The following PTPRM variants were observed in gnomAD, a reference collection of about 807,000 sequenced individuals.
PTPRM encodes the protein protein tyrosine phosphatase receptor type M.
A neutral mutation model predicts 186.7 loss-of-function variants in PTPRM; 47 were observed. That is an observed-to-expected ratio of 0.25 (90% CI 0.20 to 0.32). The LOEUF (loss-of-function observed/expected upper bound fraction) is 0.32. PTPRM is among the 10% of genes least tolerant of loss of function. The pLI is 1.00. For missense variants in PTPRM, 1,494 were observed against 1,865.0 expected (o/e 0.80, Z 3.66); for synonymous variants, 668 against 674.9 (o/e 0.99, Z 0.16).
At chr18:8,152,107 C>G (rs2093023435) in intron 14 of PTPRM, among the ~76,000 whole-genome samples, 2 of 152,154 alleles carry the variant, frequency 1.3e-5, no homozygotes, top group African/African-American at 4.8e-5. Context: ...ATTCAGCCAT[C>G]TTGCCAGCAA....
intron 1 of PTPRM, among the ~76,000 whole-genome samples, chr18:7,771,586 G>A (rs1035775242): frequency 6.6e-6 from 1 of 152,198 alleles, no homozygotes; most frequent in African/African-American, 2.4e-5. Context: ...GTTCTCAATG[G>A]AGTGTTTAGT....
intron 21 of PTPRM, among the ~76,000 whole-genome samples, chr18:8,316,154 G>T (rs2095307498): frequency 6.6e-6 from 1 of 152,138 alleles, no homozygotes; most frequent in Admixed American, 6.6e-5. Context: ...CAGGCCAACT[G>T]TAGCACACCT....
chr18:8,071,110 C>G (rs918101168), intron 8 of PTPRM, among the ~76,000 whole-genome samples: 1 of 152,122 alleles, frequency 6.6e-6, no homozygotes, highest in African/African-American at 2.4e-5. Flanking sequence ...TGTGTTGGTT[C>G]CTCTCAAGCA....
In PTPRM at chr18:7,957,560, G is replaced by A. The variant is rs558244889; in HGVS notation, c.1132+2146G>A. On this transcript the variant is annotated intron_variant, in intron 7 of 32. Transcript: ENST00000580170. ...TGGTTGTGCCCTGTGCTGGCATGGA[G>A]TCACCCTTAGAAAATGGAGAGAGAT... is the stretch of plus-strand genomic sequence containing the variant. Among the ~76,000 whole-genome samples the A allele has an allele frequency of 2.0e-5, 3 of 152,262 alleles. No individual in the cohort carries two copies. In the East Asian group the frequency reaches 5.8e-4, roughly 29 times the overall value.
At chr18:8,335,860 A>G (rs1161181301) in intron 22 of PTPRM, among the ~76,000 whole-genome samples, 3 of 152,194 alleles carry the variant, frequency 2.0e-5, no homozygotes, top group East Asian at 1.9e-4. Context: ...CATCTCTACT[A>G]TAAACACAAA....
At chr18:7,906,183 C>T (rs2049971624) in intron 3 of PTPRM, among the ~76,000 whole-genome samples, 1 of 152,158 alleles carries the variant, frequency 6.6e-6, no homozygotes, top group African/African-American at 2.4e-5. Context: ...TCTGTGCCAA[C>T]TCACTATCCT....
intron 2 of PTPRM, among the ~76,000 whole-genome samples, chr18:7,838,512 C>CA (rs1439959112): frequency 1.3e-5 from 2 of 152,168 alleles, no homozygotes; most frequent in Admixed American, 6.5e-5. Context: ...ATTTATCTCC[C>CA]AAAAAACAGA....
At chr18:7,712,041 C>T (rs892121751) in intron 1 of PTPRM, among the ~76,000 whole-genome samples, 15 of 152,148 alleles carry the variant, frequency 9.9e-5, no homozygotes, top group Non-Finnish European at 1.3e-4. Context: ...CAGACTGCCT[C>T]CTGACCCCTG....
chr18:7,929,383 T>G (rs897381704), intron 5 of PTPRM, among the ~76,000 whole-genome samples: 3 of 152,158 alleles, frequency 2.0e-5, no homozygotes, highest in African/African-American at 4.8e-5. Flanking sequence ...TCTTGCTGAG[T>G]CTTTTCTGAC....
chr18:8,212,305 C>T (rs752377871), intron 14 of PTPRM, among the ~76,000 whole-genome samples: 10 of 152,218 alleles, frequency 6.6e-5, no homozygotes, highest in Non-Finnish European at 1.3e-4. Context: ...ACCCCAGAGG[C>T]GGCAATACAG....
At chr18:8,296,044 CATT>C (rs1268251793) in intron 19 of PTPRM, among the ~76,000 whole-genome samples, 2 of 152,100 alleles carry the variant, frequency 1.3e-5, no homozygotes, top group Non-Finnish European at 2.9e-5. Context: ...TTGAGTGAAA[CATT>C]AATTTCTCTG....
rs188804134 is a variant in PTPRM at position 8,373,494 on chromosome 18, A to T, written c.3171+2488A>T. On this transcript the variant is annotated intron_variant, in intron 24 of 32. Transcript: ENST00000580170. ...ACACCCCTGAAGTCTCCATGCATTT[A>T]GGCTGTCTGGTGAATCTATCCCTGA... 3.5e-4 allele frequency among the ~76,000 whole-genome samples: 53 copies of T among 152,324 alleles called. No homozygotes were observed. The East Asian group carries it at 9.8e-3, about 28-fold the overall frequency.
Position 7,888,161 on chromosome 18 carries a change from G to A in PTPRM, c.252G>A (p.Leu84=), listed in dbSNP as rs780666108. The A allele has an allele frequency of 1.9e-6, 3 of 1,614,140 alleles. No individual in the cohort carries two copies. The Admixed American group carries it at 5.0e-5, about 27-fold the overall frequency. The change falls in exon 3 of 33, where the codon CTG becomes CTA. Residue 84 remains leucine (L), a synonymous_variant. Coordinates refer to ENST00000580170, the MANE Select transcript of PTPRM (RefSeq NM_001105244.2). ...SGRPEGQRAH[L]LLPQLKENDT... The stretch of plus-strand genomic sequence containing the variant: ...GACCTGAGGGGCAGAGAGCCCACCT[G>A]CTCTTACCCCAACTTAAAGAAAATG...
At chr18:8,161,762 A>G (rs1327177068) in intron 14 of PTPRM, among the ~76,000 whole-genome samples, 1 of 152,146 alleles carries the variant, frequency 6.6e-6, no homozygotes, top group Non-Finnish European at 1.5e-5. Flanking sequence ...TGGTCGTGCT[A>G]CCCCTTTACC....
intron 13 of PTPRM, among the ~76,000 whole-genome samples, chr18:8,142,816 C>T (rs949103867): frequency 5.3e-5 from 8 of 152,134 alleles, no homozygotes; most frequent in African/African-American, 1.9e-4. Context: ...GGGAATTGAA[C>T]ATTGCATTCC....
intron 14 of PTPRM, among the ~76,000 whole-genome samples, chr18:8,165,142 G>A (rs558326361): frequency 1.3e-5 from 2 of 149,420 alleles, no homozygotes; most frequent in Admixed American, 6.7e-5. Context: ...GCACTCCTGC[G>A]TGGTGACAGA....
intron 1 of PTPRM, among the ~76,000 whole-genome samples, chr18:7,772,332 CT>C (rs1280934152): frequency 6.5e-5 from 9 of 138,254 alleles, no homozygotes; most frequent in Non-Finnish European, 1.1e-4. Flanking sequence ...TTCGTTCTTT[CT>C]TTTCTTTCTT....
intron 21 of PTPRM, among the ~76,000 whole-genome samples, chr18:8,317,764 A>G (rs1172972598): frequency 2.0e-5 from 3 of 152,180 alleles, no homozygotes. Flanking sequence ...GGACTGAGAA[A>G]TGATGGTGAT....
At chr18:7,852,670 GC>G (rs1426847884) in intron 2 of PTPRM, among the ~76,000 whole-genome samples, 1 of 151,848 alleles carries the variant, frequency 6.6e-6, no homozygotes, top group Non-Finnish European at 1.5e-5. Context: ...GGGCGACAGA[GC>G]GAGACTCCCT....
Sources: gnomAD v4.1 joint callset for allele counts (sites outside exome capture counted in the v4.1 genomes callset) on GRCh38, gnomAD v4.1.1 for gene constraint, MANE v1.5 for transcripts, NCBI Gene and HGNC (gene_info 2026-07-23, HGNC 2026-07-21) for gene names.